Variants in KPNA4 observed in about 807,000 individuals in gnomAD.
KPNA4 encodes importin subunit alpha-3.
Under a neutral mutation model 71.3 loss-of-function variants are expected in KPNA4, and 13 were observed. That is an observed-to-expected ratio of 0.18 (90% CI 0.12 to 0.29). The LOEUF (loss-of-function observed/expected upper bound fraction) is 0.29, where lower values mean the gene tolerates loss of function less well. Among genes scored for constraint, KPNA4 ranks in the 10% least tolerant of loss-of-function variants. The pLI is 1.00. For synonymous variants in KPNA4, 189 were observed against 195.2 expected, an observed-to-expected ratio of 0.97 and a Z score of 0.26; for missense variants, 334 against 603.2, an observed-to-expected ratio of 0.55 and a Z score of 4.67.
intron 1 of KPNA4, among the ~76,000 whole-genome samples, chr3:160,543,227 C>T (rs1453843696): frequency 6.6e-6 from 1 of 152,120 alleles, no homozygotes; most frequent in Non-Finnish European, 1.5e-5. Context: ...GGCTACTAGT[C>T]CCAGCTCTAC....
intron 12 of KPNA4, 51 bp from the exon 13 acceptor site, chr3:160,514,232 T>C (rs769207610): frequency 5.3e-6 from 7 of 1,322,212 alleles, no homozygotes; most frequent in Non-Finnish European, 7.3e-6. Context: ...AAAATCTGCA[T>C]CTGAACTAAG....
At chr3:160,542,201 T>C (rs1439837020) in intron 1 of KPNA4, among the ~76,000 whole-genome samples, 1 of 152,214 alleles carries the variant, frequency 6.6e-6, no homozygotes, top group African/African-American at 2.4e-5. Context: ...AGCTAAGCTA[T>C]ACTTTCTAGA....
intron 1 of KPNA4, among the ~76,000 whole-genome samples, chr3:160,540,817 T>TG (rs1197092751): frequency 6.6e-6 from 1 of 152,076 alleles, no homozygotes; most frequent in Non-Finnish European, 1.5e-5. Flanking sequence ...CGACTGTAAG[T>TG]GGGGGAGGTT....
chr3:160,513,891 C>T (rs1483651226), intron 13 of KPNA4, among the ~76,000 whole-genome samples, 186 bp downstream of exon 13: 1 of 151,866 alleles, frequency 6.6e-6, no homozygotes, highest in African/African-American at 2.4e-5. Context: ...CCCCCCACCC[C>T]CCAAAAAGTT....
At position 160,495,987 on chromosome 3, in the gene KPNA4, A is replaced by C. The variant is rs1720753046; in HGVS notation, c.*6117T>G. ...AAGACTTTGGATATTAGATTACTGT[A>C]CCTAAAAAGAGTAAAATGGTGGCCA... On this transcript the variant is annotated 3_prime_UTR_variant, in exon 17 of 17. Transcript: ENST00000334256. 6.8e-6 allele frequency: 1 copy of C among 147,402 alleles called. No individual in the cohort carries two copies. The highest frequency in any genetic ancestry group is 1.5e-5 in the Non-Finnish European group (1 of 67,484). The allele number at this position is 147,402 out of a possible 1,614,324, so 9.1% of individuals were successfully genotyped here. A position where few individuals can be genotyped will look rare whatever the true frequency, so the allele number is the denominator to read the frequency against.
intron 16 of KPNA4, among the ~76,000 whole-genome samples, chr3:160,504,195 T>C (rs1577044107): frequency 6.6e-6 from 1 of 152,384 alleles, no homozygotes; most frequent in East Asian, 1.9e-4. Context: ...TTTTCTTTTC[T>C]AATATTGTCC....
intron 11 of KPNA4, 43 bp from the exon 12 acceptor site, chr3:160,515,623 T>C (rs1485943547): frequency 1.3e-6 from 2 of 1,597,078 alleles, no homozygotes; most frequent in Non-Finnish European, 8.6e-7. Context: ...AAATCCTTTT[T>C]TTTTTTTTTG....
chr3:160,552,326 A>C (rs1722055938), intron 1 of KPNA4, among the ~76,000 whole-genome samples: 2 of 152,176 alleles, frequency 1.3e-5, no homozygotes, highest in Non-Finnish European at 2.9e-5. Context: ...ACAAAACTGC[A>C]CTTGTATTCC....
intron 11 of KPNA4, among the ~76,000 whole-genome samples, chr3:160,516,829 A>G (rs1483205488): frequency 6.6e-6 from 1 of 152,016 alleles, no homozygotes; most frequent in Non-Finnish European, 1.5e-5. Flanking sequence ...CCTGCCTAAC[A>G]TGAGATTTCA....
At chr3:160,509,974 CT>C in intron 13 of KPNA4, 103 bp from the exon 14 acceptor site, 2 of 753,072 alleles carry the variant, frequency 2.7e-6, no homozygotes, top group Admixed American at 2.1e-5. Flanking sequence ...CCAAGGTCTC[CT>C]TTTAGTCTTT....
chr3:160,547,187 T>C (rs1721930407), intron 1 of KPNA4, among the ~76,000 whole-genome samples: 1 of 152,240 alleles, frequency 6.6e-6, no homozygotes, highest in Non-Finnish European at 1.5e-5. Context: ...TGTTATCTTG[T>C]CATATTTGCC....
intron 1 of KPNA4, among the ~76,000 whole-genome samples, chr3:160,545,743 G>C (rs1053646236): frequency 1.3e-5 from 2 of 152,198 alleles, no homozygotes; most frequent in Admixed American, 6.5e-5. Flanking sequence ...CACAAGTGCA[G>C]TAATCCCAGC....
Position 160,502,190 on chromosome 3 carries a change from G to A in KPNA4, c.1480C>T (p.Pro494Ser). Residue 494 changes from proline (P) to serine (S), a missense_variant, in exon 17 of 17, where the codon CCT becomes TCT. Physicochemically the swap from Pro to Ser is moderately conservative, Grantham distance 74. Coordinates refer to ENST00000334256, the MANE Select transcript of KPNA4 (RefSeq NM_002268.5). Reference protein sequence around the residue: ...FFSSDDIDEDPSLVPEAIQGG... With the variant: ...FFSSDDIDEDSSLVPEAIQGG... ...TGAATTGCCTCTGGAACAAGGCTAGGGTCTTCATCAATCTAGGTGAAAAAA... is the reference window on the plus strand; with the variant it reads ...TGAATTGCCTCTGGAACAAGGCTAGAGTCTTCATCAATCTAGGTGAAAAAA... 1 of 1,570,408 alleles carries A rather than the reference G, an allele frequency of 6.4e-7. No individual in the cohort carries two copies.
chr3:160,509,078 GTTC>G (rs111827536), intron 14 of KPNA4, among the ~76,000 whole-genome samples: 7 of 152,206 alleles, frequency 4.6e-5, no homozygotes, highest in African/African-American at 1.7e-4. Flanking sequence ...CTCTAAATTT[GTTC>G]TTTTTACCTA....
At chr3:160,545,587 G>A (rs552848104) in intron 1 of KPNA4, among the ~76,000 whole-genome samples, 1 of 152,302 alleles carries the variant, frequency 6.6e-6, no homozygotes, top group South Asian at 2.1e-4. Flanking sequence ...AACAAAGAGG[G>A]GTAGGAAATG....
chr3:160,511,336 A>C (rs1449192147), intron 13 of KPNA4, among the ~76,000 whole-genome samples: 1 of 146,858 alleles, frequency 6.8e-6, no homozygotes, highest in Non-Finnish European at 1.5e-5. Context: ...CGATCTCCTG[A>C]CTTCATGATC....
chr3:160,556,090 C>T (rs1722130758), intron 1 of KPNA4, among the ~76,000 whole-genome samples: 1 of 152,240 alleles, frequency 6.6e-6, no homozygotes, highest in Non-Finnish European at 1.5e-5. Flanking sequence ...GCCTTGGCCT[C>T]CCAAAGTGCT....
intron 1 of KPNA4, among the ~76,000 whole-genome samples, chr3:160,538,917 C>T (rs1191597338): frequency 6.6e-6 from 1 of 152,144 alleles, no homozygotes; most frequent in Non-Finnish European, 1.5e-5. Context: ...CTTCAGTTTC[C>T]TTATCTATAA....
chr3:160,513,249 GTTTTTT>G (rs946090860), intron 13 of KPNA4, among the ~76,000 whole-genome samples: 5 of 80,626 alleles, frequency 6.2e-5, no homozygotes, highest in Admixed American at 1.7e-4. Context: ...CTACTTTGTG[GTTTTTT>G]TTTTTTTTTT....
Sources: gnomAD v4.1 joint callset for allele counts (sites outside exome capture counted in the v4.1 genomes callset) on GRCh38, gnomAD v4.1.1 for gene constraint, MANE v1.5 for transcripts, NCBI Gene and HGNC (gene_info 2026-07-23, HGNC 2026-07-21) for gene names.